Variants in SORCS1 observed in about 807,000 individuals in gnomAD.
The protein encoded by SORCS1 is sortilin related VPS10 domain containing receptor 1, also known as VPS10 domain-containing receptor SorCS1.
A neutral mutation model predicts 146.1 loss-of-function variants in SORCS1; 60 were observed. That is an observed-to-expected ratio of 0.41 (90% CI 0.33 to 0.51). SORCS1 has a LOEUF of 0.51. Among genes scored for constraint, SORCS1 ranks in the 20% least tolerant of loss-of-function variants. The pLI, the probability that SORCS1 is intolerant of heterozygous loss-of-function variation, is 0.21. For synonymous variants in SORCS1, 637 were observed against 584.0 expected (o/e 1.09, Z -1.31); for missense variants, 1,352 against 1,487.6 (o/e 0.91, Z 1.50).
chr10:107,175,307 G>C, the SORCS1 span, among the ~76,000 whole-genome samples: 1 of 152,074 alleles, frequency 6.6e-6, no homozygotes, highest in African/African-American at 2.4e-5. Context: ...CTATATTCTG[G>C]GGGAGTTCGT....
At chr10:106,597,305 C>G (rs772190436) in intron 24 of SORCS1, 46 bp downstream of exon 24, 309 of 1,500,366 alleles carry the variant, frequency 2.1e-4, no homozygotes, top group Non-Finnish European at 2.8e-4. Flanking sequence ...ACTAGGATTC[C>G]CTTTGCCAGA....
At chr10:106,589,693 C>T (rs1443490203) in intron 24 of SORCS1, among the ~76,000 whole-genome samples, 29 of 128,408 alleles carry the variant, frequency 2.3e-4, no homozygotes, top group Non-Finnish European at 3.2e-4. Flanking sequence ...TCGTCTTTGA[C>T]GACGAAAAAA....
At chr10:106,613,770 A>G (rs545289112) in intron 21 of SORCS1, among the ~76,000 whole-genome samples, 49 of 152,150 alleles carry the variant, frequency 3.2e-4, no homozygotes, top group African/African-American at 1.2e-3. Flanking sequence ...CTGGCCCTAC[A>G]TAACCTGGTG....
chr10:107,043,862 T>C (rs1053504675), intron 1 of SORCS1, among the ~76,000 whole-genome samples: 1 of 152,216 alleles, frequency 6.6e-6, no homozygotes, highest in Non-Finnish European at 1.5e-5. Context: ...GTTCAACACA[T>C]AGTCATTGAA....
At chr10:107,140,524 T>G (rs1967721878) in intron 1 of SORCS1, among the ~76,000 whole-genome samples, 1 of 152,208 alleles carries the variant, frequency 6.6e-6, no homozygotes, top group Non-Finnish European at 1.5e-5. Context: ...ACGTTTACTG[T>G]GAATGCCTAT....
intron 1 of SORCS1, among the ~76,000 whole-genome samples, chr10:107,076,055 T>C (rs568928559): frequency 6.6e-6 from 1 of 152,174 alleles, no homozygotes; most frequent in Non-Finnish European, 1.5e-5. Context: ...TGTACAGTGC[T>C]TGAAATTCAA....
intron 5 of SORCS1, among the ~76,000 whole-genome samples, chr10:106,747,108 T>A (rs953916478): frequency 1.3e-5 from 2 of 152,252 alleles, no homozygotes; most frequent in African/African-American, 4.8e-5. Flanking sequence ...AGCACTCATG[T>A]AAAACCCTTT....
chr10:106,947,797 G>A (rs375232053), intron 2 of SORCS1, among the ~76,000 whole-genome samples: 4 of 151,020 alleles, frequency 2.6e-5, no homozygotes, highest in Non-Finnish European at 4.4e-5. Context: ...GCAGTGAGCC[G>A]AGAACATGCC....
the SORCS1 span, among the ~76,000 whole-genome samples, chr10:107,175,499 G>A: frequency 1.1e-3 from 160 of 152,128 alleles, 1 homozygote; most frequent in Admixed American, 1.9e-3. Context: ...GTGCAGTGGC[G>A]TGATCTTGGC....
chr10:106,607,706 G>A (rs1052769387), intron 22 of SORCS1, among the ~76,000 whole-genome samples: 5 of 152,162 alleles, frequency 3.3e-5, no homozygotes, highest in Non-Finnish European at 7.4e-5. Context: ...CATCTCCAAG[G>A]TGGTGACCAT....
At chr10:106,997,656 C>T (rs1957053764) in intron 1 of SORCS1, among the ~76,000 whole-genome samples, 1 of 152,164 alleles carries the variant, frequency 6.6e-6, no homozygotes, top group African/African-American at 2.4e-5. Flanking sequence ...GAAATATATA[C>T]TCCTCTACTA....
chr10:106,743,353 G>C (rs1057432360), intron 5 of SORCS1, among the ~76,000 whole-genome samples: 2 of 152,108 alleles, frequency 1.3e-5, no homozygotes, highest in African/African-American at 4.8e-5. Flanking sequence ...CTGCCTGGCT[G>C]CCACCAGTCC....
chr10:107,153,426 A>C (rs1465766315), intron 1 of SORCS1, among the ~76,000 whole-genome samples: 1 of 152,228 alleles, frequency 6.6e-6, no homozygotes, highest in Non-Finnish European at 1.5e-5. Context: ...ACAGAGATTG[A>C]GATTTAAACT....
intron 10 of SORCS1, 105 bp downstream of exon 10, chr10:106,688,087 G>C: frequency 1.4e-6 from 2 of 1,480,530 alleles, no homozygotes; most frequent in Non-Finnish European, 1.8e-6. Context: ...ACTCCCTTTT[G>C]TTCATCAACT....
intron 3 of SORCS1, among the ~76,000 whole-genome samples, chr10:106,798,271 T>A (rs1334590814): frequency 6.6e-6 from 1 of 152,220 alleles, no homozygotes; most frequent in African/African-American, 2.4e-5. Flanking sequence ...TAAACCTCTT[T>A]CTTTTGTAAA....
chr10:107,083,133 A>C (rs1044134259), intron 1 of SORCS1, among the ~76,000 whole-genome samples: 4 of 149,810 alleles, frequency 2.7e-5, no homozygotes, highest in Non-Finnish European at 5.9e-5. Context: ...AAAAAAAAAG[A>C]AAGTCAACTG....
chr10:106,801,995 T>C (rs1470092821), intron 3 of SORCS1, among the ~76,000 whole-genome samples: 1 of 152,228 alleles, frequency 6.6e-6, no homozygotes, highest in Non-Finnish European at 1.5e-5. Context: ...ATCTCGAATT[T>C]GCAAGCATTT....
At position 106,733,199 on chromosome 10, in the gene SORCS1, T is replaced by C. The variant is rs79529675; in HGVS notation, c.960-3085A>G. Among the ~76,000 whole-genome samples, 45 of 152,176 alleles carry C rather than the reference T, an allele frequency of 3.0e-4. 1 individual carries two copies. In the East Asian group the frequency reaches 8.7e-3, roughly 29 times the overall value. On this transcript the variant is annotated intron_variant, in intron 5 of 25. Coordinates refer to ENST00000263054, the MANE Select transcript of SORCS1 (RefSeq NM_052918.5). ...AGTTCTCTGTTCTCCCCAAATCTAC[T>C]GTGGCTAACAAACCTCCTTATTCTG...
At chr10:106,927,527 G>C (rs562058868) in intron 2 of SORCS1, among the ~76,000 whole-genome samples, 8 of 152,236 alleles carry the variant, frequency 5.3e-5, no homozygotes, top group African/African-American at 1.9e-4. Context: ...CTGTGGAAGG[G>C]GACATGAGCG....
Sources: gnomAD v4.1 joint callset for allele counts (sites outside exome capture counted in the v4.1 genomes callset) on GRCh38, gnomAD v4.1.1 for gene constraint, MANE v1.5 for transcripts, NCBI Gene and HGNC (gene_info 2026-07-23, HGNC 2026-07-21) for gene names.